The following ZRANB3 variants were observed in gnomAD, a reference collection of about 807,000 sequenced individuals.
ZRANB3 encodes the protein zinc finger RANBP2-type containing 3.
ZRANB3 carries 125 observed loss-of-function variants against 133.8 expected under a neutral mutation model. The observed-to-expected ratio is 0.93, with a 90% CI of 0.81 to 1.08. The LOEUF (loss-of-function observed/expected upper bound fraction) is 1.08. Among genes scored for constraint, ZRANB3 ranks in the 50% least tolerant of loss-of-function variants. ZRANB3 has a pLI of 0.00. For missense variants in ZRANB3, 1,229 were observed against 1,275.5 expected, an observed-to-expected ratio of 0.96 and a Z score of 0.56; for synonymous variants, 387 against 432.7, an observed-to-expected ratio of 0.89 and a Z score of 1.31.
intron 2 of ZRANB3, among the ~76,000 whole-genome samples, chr2:135,440,387 A>C (rs538676755): frequency 2.0e-5 from 3 of 152,016 alleles, no homozygotes; most frequent in Non-Finnish European, 4.4e-5. Flanking sequence ...CGACAGAGCA[A>C]GGAAGGCTCT....
chr2:135,510,566 T>G, intron 1 of ZRANB3: 2 of 698,422 alleles, frequency 2.9e-6, no homozygotes, highest in South Asian at 1.6e-5. Flanking sequence ...GGAGCAAGCC[T>G]TCTTCCCACT....
rs7584517 is a variant in ZRANB3, at chr2:135,255,912, A to T, written c.1539+9622T>A. ...GATATTTAAAGGTCAACTCATTAAA[A>T]TTTTTTTTTTTTTTTTTTTGAGGCA... On this transcript the variant is annotated intron_variant, in intron 12 of 20. Transcript: ENST00000264159. Among the ~76,000 whole-genome samples the T allele has an allele frequency of 2.3e-3, 321 of 138,960 alleles. 3 individuals are homozygous for T. Among genetic ancestry groups the T allele is most frequent in the African/African-American group, 8.0e-3 (299 of 37,320 alleles). The allele number at this position is 138,960 out of a possible 152,430, so 91.2% of individuals were successfully genotyped here.
At chr2:135,360,339 C>T (rs1284810093) in intron 3 of ZRANB3, among the ~76,000 whole-genome samples, 5 of 151,712 alleles carry the variant, frequency 3.3e-5, no homozygotes, top group Non-Finnish European at 2.9e-5. Context: ...TGAGATCATG[C>T]GTTTGTACTC....
At chr2:135,256,260 GC>G (rs760737170) in intron 12 of ZRANB3, among the ~76,000 whole-genome samples, 19 of 152,218 alleles carry the variant, frequency 1.2e-4, no homozygotes, top group Admixed American at 7.2e-4. Context: ...ACAAGAAGTG[GC>G]CTTTATGTCC....
At chr2:135,249,102 T>C (rs192056488) in intron 12 of ZRANB3, among the ~76,000 whole-genome samples, 1 of 152,030 alleles carries the variant, frequency 6.6e-6, no homozygotes, top group African/African-American at 2.4e-5. Context: ...AAATAACAGA[T>C]GTGGGCAAGG....
intron 2 of ZRANB3, among the ~76,000 whole-genome samples, chr2:135,404,595 A>C (rs1687914388): frequency 6.6e-6 from 1 of 152,204 alleles, no homozygotes; most frequent in South Asian, 2.1e-4. Flanking sequence ...CAGGAAATAC[A>C]GAGAATGCTA....
At chr2:135,352,412 T>G (rs1685250588) in intron 4 of ZRANB3, among the ~76,000 whole-genome samples, 2 of 152,050 alleles carry the variant, frequency 1.3e-5, no homozygotes, top group Non-Finnish European at 2.9e-5. Flanking sequence ...CCTTAAAAAA[T>G]TCTACATTCT....
intron 6 of ZRANB3, among the ~76,000 whole-genome samples, chr2:135,328,017 C>T (rs911645501): frequency 3.3e-5 from 5 of 151,666 alleles, no homozygotes; most frequent in South Asian, 2.1e-4. Flanking sequence ...GGGAAAGTTA[C>T]GAAAGCACTT....
At chr2:135,293,376 T>A (rs1483554671) in intron 8 of ZRANB3, among the ~76,000 whole-genome samples, 1 of 152,088 alleles carries the variant, frequency 6.6e-6, no homozygotes, top group Non-Finnish European at 1.5e-5. Flanking sequence ...GGGAGTTCAC[T>A]CATGATTTGG....
intron 2 of ZRANB3, among the ~76,000 whole-genome samples, chr2:135,413,915 T>C (rs964891035): frequency 1.3e-5 from 2 of 152,044 alleles, no homozygotes; most frequent in East Asian, 1.9e-4. Flanking sequence ...CTGAGAGATT[T>C]TGTCACCACC....
At chr2:135,267,593 A>G (rs1244644975) in intron 11 of ZRANB3, among the ~76,000 whole-genome samples, 1 of 152,192 alleles carries the variant, frequency 6.6e-6, no homozygotes, top group Non-Finnish European at 1.5e-5. Flanking sequence ...ATAATTATCC[A>G]AAATTATAAT....
At chr2:135,471,439 T>C (rs1227735063) in intron 2 of ZRANB3, among the ~76,000 whole-genome samples, 1 of 152,220 alleles carries the variant, frequency 6.6e-6, no homozygotes, top group African/African-American at 2.4e-5. Flanking sequence ...AACCAAATTA[T>C]TACTATGTCA....
intron 3 of ZRANB3, among the ~76,000 whole-genome samples, chr2:135,387,330 A>T (rs1338683397): frequency 2.0e-5 from 3 of 152,228 alleles, no homozygotes; most frequent in Non-Finnish European, 4.4e-5. Flanking sequence ...CTGTTTTATA[A>T]TAAAAGCAAG....
chr2:135,263,509 A>G (rs1010153136), intron 12 of ZRANB3, among the ~76,000 whole-genome samples: 9 of 152,184 alleles, frequency 5.9e-5, no homozygotes, highest in African/African-American at 2.2e-4. Context: ...CAAAAATCCT[A>G]ATTTCTAAAT....
chr2:135,317,344 C>G (rs926743486), intron 6 of ZRANB3, among the ~76,000 whole-genome samples: 7 of 151,986 alleles, frequency 4.6e-5, no homozygotes, highest in African/African-American at 1.7e-4. Flanking sequence ...ATCACACGGT[C>G]ACAAAAAAAA....
At chr2:135,442,024 C>A (rs765960479) in intron 2 of ZRANB3, among the ~76,000 whole-genome samples, 2 of 152,094 alleles carry the variant, frequency 1.3e-5, no homozygotes, top group East Asian at 3.9e-4. Context: ...CCCTTCCTTA[C>A]ACCTTATATA....
chr2:135,410,164 G>C lies in ZRANB3; in HGVS notation c.162-19344C>G, dbSNP rs143379501. 7.0e-3 allele frequency among the ~76,000 whole-genome samples: 1,067 copies of C among 152,212 alleles called. 11 individuals carry two copies. Among genetic ancestry groups the C allele is most frequent in the African/African-American group, 0.024 (1,000 of 41,530 alleles). ...TAAAATTCATATGAAACAAAAAAGA[G>C]CCCCAATAGCCAAGGTAATTCTAAG... is the stretch of plus-strand genomic sequence containing the variant. On this transcript the variant is annotated intron_variant, in intron 2 of 20. Transcript: ENST00000264159.
intron 2 of ZRANB3, among the ~76,000 whole-genome samples, chr2:135,441,776 G>A (rs575086378): frequency 1.3e-5 from 2 of 151,996 alleles, no homozygotes; most frequent in African/African-American, 4.8e-5. Flanking sequence ...ATAATTCCTA[G>A]AGCAACAATT....
chr2:135,233,461 C>T (rs200790537), intron 12 of ZRANB3, among the ~76,000 whole-genome samples: 20 of 152,230 alleles, frequency 1.3e-4, no homozygotes, highest in African/African-American at 3.1e-4. Flanking sequence ...AGATACTCCT[C>T]GAGAAGAGCA....
Sources: gnomAD v4.1 joint callset for allele counts (sites outside exome capture counted in the v4.1 genomes callset) on GRCh38, gnomAD v4.1.1 for gene constraint, MANE v1.5 for transcripts, NCBI Gene and HGNC (gene_info 2026-07-23, HGNC 2026-07-21) for gene names.